The following HIVEP3 variants were observed in gnomAD, a reference collection of about 807,000 sequenced individuals.
The protein encoded by HIVEP3 is transcription factor HIVEP3.
A neutral mutation model predicts 152.8 loss-of-function variants in HIVEP3; 49 were observed. The ratio of observed to expected loss-of-function variants is 0.32; its 90% confidence interval spans 0.26 to 0.41. The LOEUF (loss-of-function observed/expected upper bound fraction) is 0.41, where lower values mean the gene tolerates loss of function less well. Ranked by LOEUF, HIVEP3 falls within the 10% of genes least tolerant of loss-of-function variation. The pLI, the probability that HIVEP3 is intolerant of heterozygous loss-of-function variation, is 1.00. For missense variants in HIVEP3, 2,790 were observed against 3,103.3 expected, an observed-to-expected ratio of 0.90 and a Z score of 2.40; for synonymous variants, 1,269 against 1,289.0, an observed-to-expected ratio of 0.98 and a Z score of 0.33.
intron 1 of HIVEP3, among the ~76,000 whole-genome samples, chr1:41,738,857 C>T (rs1646955506): frequency 6.6e-6 from 1 of 152,226 alleles, no homozygotes; most frequent in Non-Finnish European, 1.5e-5. Flanking sequence ...GTAAAGAAAC[C>T]TATGGAGAGA....
rs539986868 is a variant in HIVEP3 at position 42,003,631 on chromosome 1, G to A, written n.119+32176C>T. Reference sequence around the variant, plus strand: ...TCCTGAAATCATGCCCCTCCCATGAGGCTGCCCAGATTGGCAGCAAACCAG... The same window carrying A: ...TCCTGAAATCATGCCCCTCCCATGAAGCTGCCCAGATTGGCAGCAAACCAG... On this transcript the variant is annotated intron_variant and non_coding_transcript_variant, in intron 1 of 3. Transcript: ENST00000489103. Among the ~76,000 whole-genome samples, 25 of 152,256 alleles carry A rather than the reference G, an allele frequency of 1.6e-4. No individual in the cohort carries two copies. In the South Asian group the frequency reaches 5.0e-3, roughly 30 times the overall value.
At chr1:41,829,887 A>G (rs1642912953) in intron 1 of HIVEP3, among the ~76,000 whole-genome samples, 1 of 152,092 alleles carries the variant, frequency 6.6e-6, no homozygotes, top group African/African-American at 2.4e-5. Flanking sequence ...TTTTCAGAAC[A>G]GTATAAGCAT....
At chr1:41,734,990 T>G (rs1384314346) in intron 1 of HIVEP3, among the ~76,000 whole-genome samples, 1 of 152,214 alleles carries the variant, frequency 6.6e-6, no homozygotes. Flanking sequence ...CATCCCTTCT[T>G]CAGTGCCAAG....
chr1:41,524,920 A>G lies in HIVEP3; in HGVS notation c.5208-10T>C. ...TTCGTTTGATTTGTACCTATGAGCA[A>G]CAGGCGTCATAGTAAAGGGAAAAAA... On this transcript the variant is annotated splice_polypyrimidine_tract_variant and intron_variant, in intron 5 of 8. Coordinates refer to ENST00000372583, the MANE Select transcript of HIVEP3 (RefSeq NM_024503.5). 6.2e-7 allele frequency: 1 copy of G among 1,609,852 alleles called. No homozygotes were observed. The highest frequency in any genetic ancestry group is 1.7e-4 in the Middle Eastern group (1 of 5,998).
intron 3 of HIVEP3, among the ~76,000 whole-genome samples, chr1:41,603,275 C>T (rs1474856342): frequency 6.6e-6 from 1 of 152,006 alleles, no homozygotes; most frequent in Non-Finnish European, 1.5e-5. Context: ...ACCATGTTGG[C>T]CAGGCTGGTC....
chr1:41,530,282 G>A (rs1472611812), intron 5 of HIVEP3, among the ~76,000 whole-genome samples: 1 of 152,374 alleles, frequency 6.6e-6, no homozygotes, highest in East Asian at 1.9e-4. Flanking sequence ...ACTGAAGGCC[G>A]TGGCGGCGGT....
At chr1:41,963,193 A>C (rs1645178517) in intron 1 of HIVEP3, among the ~76,000 whole-genome samples, 1 of 151,882 alleles carries the variant, frequency 6.6e-6, no homozygotes, top group Non-Finnish European at 1.5e-5. Flanking sequence ...TTGTATTTTT[A>C]GTAGAGATGC....
chr1:41,633,270 G>A (rs1645222304), intron 2 of HIVEP3, among the ~76,000 whole-genome samples: 1 of 152,144 alleles, frequency 6.6e-6, no homozygotes, highest in Non-Finnish European at 1.5e-5. Flanking sequence ...GCATCAGCTG[G>A]CCAGAAAGTC....
chr1:41,515,128 C>T (rs75517696), intron 7 of HIVEP3, among the ~76,000 whole-genome samples: 417 of 152,370 alleles, frequency 2.7e-3, no homozygotes, highest in African/African-American at 9.3e-3. Context: ...CCAGCCCCAT[C>T]GCTCACACAT....
chr1:41,906,601 G>C (rs1049523313), intron 1 of HIVEP3, among the ~76,000 whole-genome samples: 6 of 152,158 alleles, frequency 3.9e-5, no homozygotes, highest in Admixed American at 3.9e-4. Flanking sequence ...TCTATATTTT[G>C]ATGGTGGTGA....
chr1:41,536,858 G>A (rs1381905082), intron 5 of HIVEP3, among the ~76,000 whole-genome samples: 1 of 152,156 alleles, frequency 6.6e-6, no homozygotes, highest in Non-Finnish European at 1.5e-5. Context: ...GTCCCAGAGA[G>A]GTTAAATAAC....
chr1:41,956,524 A>G (rs1645141368), intron 1 of HIVEP3, among the ~76,000 whole-genome samples: 1 of 152,250 alleles, frequency 6.6e-6, no homozygotes, highest in African/African-American at 2.4e-5. Flanking sequence ...AGCCATGCTA[A>G]TGGAGCAGCA....
At chr1:41,607,590 T>C (rs1644838986) in intron 3 of HIVEP3, among the ~76,000 whole-genome samples, 1 of 152,208 alleles carries the variant, frequency 6.6e-6, no homozygotes, top group Non-Finnish European at 1.5e-5. Flanking sequence ...AAATAAGCTC[T>C]TCCTTTTTTT....
At chr1:41,774,665 C>T (rs960934537) in intron 1 of HIVEP3, among the ~76,000 whole-genome samples, 1 of 152,122 alleles carries the variant, frequency 6.6e-6, no homozygotes, top group Non-Finnish European at 1.5e-5. Flanking sequence ...GCTCAATTCA[C>T]AGGATGATTA....
intron 1 of HIVEP3, among the ~76,000 whole-genome samples, chr1:41,707,579 T>C (rs1311277802): frequency 1.3e-5 from 2 of 152,210 alleles, no homozygotes; most frequent in African/African-American, 4.8e-5. Flanking sequence ...CCAAGGTTTT[T>C]GATCCATTTT....
chr1:41,830,079 C>T (rs1642917754), intron 1 of HIVEP3, among the ~76,000 whole-genome samples: 1 of 152,072 alleles, frequency 6.6e-6, no homozygotes, highest in Admixed American at 6.6e-5. Context: ...TCTCATTGAC[C>T]CCGTAGATTT....
chr1:41,526,805 T>A (rs538855792), intron 5 of HIVEP3, among the ~76,000 whole-genome samples: 292 of 85,038 alleles, frequency 3.4e-3, no homozygotes, highest in Middle Eastern at 8.6e-3. Flanking sequence ...ACGCTCACCC[T>A]CACACATACA....
chr1:41,989,992 T>C (rs1645350020), intron 1 of HIVEP3, among the ~76,000 whole-genome samples: 1 of 2,872 alleles, frequency 3.5e-4, no homozygotes, highest in Non-Finnish European at 5.3e-4. Flanking sequence ...TTTTGCTCCT[T>C]AGTTGATGCA....
chr1:41,931,477 T>C (rs184675853), intron 1 of HIVEP3, among the ~76,000 whole-genome samples: 3 of 152,202 alleles, frequency 2.0e-5, no homozygotes, highest in Non-Finnish European at 4.4e-5. Context: ...TTGTCAACAC[T>C]ACACTTCCTT....
Sources: gnomAD v4.1 joint callset for allele counts (sites outside exome capture counted in the v4.1 genomes callset) on GRCh38, gnomAD v4.1.1 for gene constraint, MANE v1.5 for transcripts, NCBI Gene and HGNC (gene_info 2026-07-23, HGNC 2026-07-21) for gene names.